Variants in TTC7B observed in about 807,000 individuals in gnomAD.
TTC7B encodes the protein tetratricopeptide repeat protein 7B.
Under a neutral mutation model 106.8 loss-of-function variants are expected in TTC7B, and 28 were observed. That is an observed-to-expected ratio of 0.26 (90% CI 0.19 to 0.36). The LOEUF is 0.36. TTC7B is among the 10% of genes least tolerant of loss of function. The pLI is 1.00. For missense variants in TTC7B, 862 were observed against 1,076.4 expected, an observed-to-expected ratio of 0.80 and a Z score of 2.79; for synonymous variants, 405 against 430.6, an observed-to-expected ratio of 0.94 and a Z score of 0.74.
At chr14:90,674,818 C>T (rs540364694) in intron 9 of TTC7B, among the ~76,000 whole-genome samples, 2 of 152,290 alleles carry the variant, frequency 1.3e-5, no homozygotes, top group African/African-American at 2.4e-5. Context: ...CCAGCTTCCC[C>T]GAGGCAACCT....
intron 4 of TTC7B, among the ~76,000 whole-genome samples, chr14:90,736,355 G>A (rs1258546255): frequency 1.3e-5 from 2 of 151,980 alleles, no homozygotes; most frequent in South Asian, 2.1e-4. Flanking sequence ...GGTGAATCAC[G>A]TGGTCAGGAG....
intron 15 of TTC7B, among the ~76,000 whole-genome samples, chr14:90,625,729 C>T (rs1319938448): frequency 6.6e-6 from 1 of 152,182 alleles, no homozygotes; most frequent in Non-Finnish European, 1.5e-5. Context: ...CCACTAGATA[C>T]CAAATACTGC....
intron 1 of TTC7B, 98 bp downstream of exon 1, chr14:90,816,077 C>T: frequency 2.0e-6 from 2 of 978,714 alleles, no homozygotes; most frequent in Non-Finnish European, 1.2e-6. Context: ...CCCGGCCGCG[C>T]CCCTGCCCGC....
chr14:90,553,066 C>G (rs1283571966), intron 19 of TTC7B, among the ~76,000 whole-genome samples: 1 of 152,206 alleles, frequency 6.6e-6, no homozygotes, highest in African/African-American at 2.4e-5. Flanking sequence ...CAGATGCCCC[C>G]AGGGGGCTCT....
intron 3 of TTC7B, among the ~76,000 whole-genome samples, chr14:90,758,026 G>A (rs1296219107): frequency 1.3e-5 from 2 of 152,098 alleles, no homozygotes; most frequent in African/African-American, 4.8e-5. Context: ...GCACATCGGT[G>A]AAGGCTCAGC....
intron 15 of TTC7B, among the ~76,000 whole-genome samples, chr14:90,619,362 T>C (rs898001780): frequency 6.6e-6 from 1 of 152,216 alleles, no homozygotes; most frequent in African/African-American, 2.4e-5. Flanking sequence ...ATGTAATTCA[T>C]AGGCCAAATG....
At chr14:90,752,800 G>A (rs747778282) in intron 3 of TTC7B, among the ~76,000 whole-genome samples, 4 of 152,230 alleles carry the variant, frequency 2.6e-5, no homozygotes, top group Non-Finnish European at 5.9e-5. Flanking sequence ...ACTACAAAGT[G>A]TTGCTCACAA....
At chr14:90,705,814 C>T (rs764059487) in intron 5 of TTC7B, among the ~76,000 whole-genome samples, 5 of 152,152 alleles carry the variant, frequency 3.3e-5, no homozygotes. Flanking sequence ...TCTTCAAAAT[C>T]GCTCCTACTT....
intron 1 of TTC7B, among the ~76,000 whole-genome samples, chr14:90,814,304 C>A (rs895244437): frequency 1.3e-5 from 2 of 152,304 alleles, no homozygotes; most frequent in Middle Eastern, 3.4e-3. Flanking sequence ...ATTCCAGGGA[C>A]CATCATAGCT....
Position 90,657,447 on chromosome 14 carries a change from CT to C in TTC7B, c.1237-170del, listed in dbSNP as rs1290346211. 10 of 583,812 alleles carry C rather than the reference CT, an allele frequency of 1.7e-5. No homozygotes were observed. In the African/African-American group the frequency reaches 1.9e-4, roughly 11 times the overall value. 36.2% of individuals were successfully genotyped at this position (583,812 alleles called of 1,614,324 possible). On this transcript the variant is annotated intron_variant, in intron 10 of 19. Transcript: ENST00000328459. The surrounding 1 kb of genome is among the most constrained non-coding windows in gnomAD (Gnocchi z 4.2). ...GCATGAAAACCAGAGCCTGCGGCTT[CT>C]GAGTGACTGGGGAGTACACTGGGTT...
chr14:90,620,343 C>T (rs1210331738), intron 15 of TTC7B, among the ~76,000 whole-genome samples: 3 of 152,174 alleles, frequency 2.0e-5, no homozygotes, highest in African/African-American at 4.8e-5. Context: ...GGATGGCAGC[C>T]GCTCAGGGTG....
At chr14:90,696,637 C>T (rs1324345479) in intron 5 of TTC7B, among the ~76,000 whole-genome samples, 2 of 152,192 alleles carry the variant, frequency 1.3e-5, no homozygotes, top group Non-Finnish European at 2.9e-5. Context: ...TAATTCGCAT[C>T]TTATACCTAC....
intron 1 of TTC7B, among the ~76,000 whole-genome samples, chr14:90,811,903 A>T (rs568515826): frequency 1.7e-4 from 26 of 152,134 alleles, no homozygotes; most frequent in African/African-American, 6.3e-4. Flanking sequence ...ACAGTCGCAG[A>T]CCTCCAATGT....
intron 2 of TTC7B, among the ~76,000 whole-genome samples, chr14:90,782,730 C>T (rs1038636648): frequency 2.0e-5 from 3 of 152,098 alleles, no homozygotes; most frequent in African/African-American, 4.8e-5. Flanking sequence ...CTCTAAGAAC[C>T]GTTGGATTAA....
intron 15 of TTC7B, among the ~76,000 whole-genome samples, chr14:90,623,211 C>T (rs1260140874): frequency 5.3e-5 from 8 of 152,174 alleles, no homozygotes; most frequent in Admixed American, 5.2e-4. Flanking sequence ...AGCCAGGAAA[C>T]TTCTGCTTTG....
chr14:90,776,588 C>G (rs1253942571), intron 3 of TTC7B, among the ~76,000 whole-genome samples: 1 of 152,144 alleles, frequency 6.6e-6, no homozygotes, highest in African/African-American at 2.4e-5. Context: ...CAGGAGGAAA[C>G]CCGGCAAAGG....
In TTC7B at chr14:90,660,008, G is replaced by A. The variant is rs558421803; in HGVS notation, c.1153-1621C>T. On this transcript the variant is annotated intron_variant, in intron 9 of 19. Transcript: ENST00000328459. ...GGAGGAGAGAATGGCAGGTGGTGTC[G>A]GGCCCAGCCAGTTTTCTCTGTAAAG... Among the ~76,000 whole-genome samples, 480 of 152,110 alleles carry A rather than the reference G, an allele frequency of 3.2e-3. 1 individual carries two copies. The highest frequency in any genetic ancestry group is 0.01 in the African/African-American group (435 of 41,462).
intron 1 of TTC7B, among the ~76,000 whole-genome samples, chr14:90,795,066 A>G (rs1008547608): frequency 5.9e-5 from 9 of 152,128 alleles, no homozygotes; most frequent in African/African-American, 2.2e-4. Flanking sequence ...ACAAGAGGGA[A>G]AAAAGGCACT....
At position 90,578,192 on chromosome 14, in the gene TTC7B, G is replaced by A; in HGVS notation, c.2224C>T (p.Leu742Phe). ...CGCGCCTCGTCCATGCTTCCCCGGA[G>A]CTCAGCAATCTGGCCGCGCATGTAG... ...VLYMRGQIAE[L>F]RGSMDEARRW... The change falls in exon 19 of 20, where the codon CTC becomes TTC. Residue 742 changes from leucine to phenylalanine, a missense_variant. By Grantham distance (22) the Leu-to-Phe change is conservative. Coordinates refer to ENST00000328459, the MANE Select transcript of TTC7B (RefSeq NM_001010854.2). The surrounding 1 kb of genome is among the most constrained non-coding windows in gnomAD (Gnocchi z 4.7). 2 of 1,614,156 alleles carry A rather than the reference G, an allele frequency of 1.2e-6. No homozygotes were observed. Among genetic ancestry groups the A allele is most frequent in the Non-Finnish European group, 1.7e-6 (2 of 1,180,028 alleles).
Sources: allele counts gnomAD v4.1 joint callset (sites outside exome capture counted in the v4.1 genomes callset), GRCh38; gene constraint gnomAD v4.1.1; non-coding constraint Gnocchi (gnomAD v3.1); transcripts MANE v1.5; gene names NCBI Gene and HGNC (gene_info 2026-07-23, HGNC 2026-07-21).